The following NKAIN3 variants were observed in gnomAD, a reference collection of about 807,000 sequenced individuals.
NKAIN3 encodes the protein sodium/potassium-transporting ATPase subunit beta-1-interacting protein 3.
A neutral mutation model predicts 30.2 loss-of-function variants in NKAIN3; 25 were observed. That is an observed-to-expected ratio of 0.83 (90% CI 0.60 to 1.16). The LOEUF is 1.16. Among genes scored for constraint, NKAIN3 ranks in the 50% most tolerant of loss-of-function variants. The probability of loss-of-function intolerance (pLI) is 0.00; values close to 1 mark genes in which losing one functional copy is unlikely to be tolerated. For missense variants in NKAIN3, 225 were observed against 254.1 expected, an observed-to-expected ratio of 0.89 and a Z score of 0.78; for synonymous variants, 91 against 89.6, an observed-to-expected ratio of 1.02 and a Z score of -0.09.
chr8:62,743,673 A>G (rs1273233578), intron 3 of NKAIN3, among the ~76,000 whole-genome samples: 2 of 152,200 alleles, frequency 1.3e-5, no homozygotes, highest in African/African-American at 4.8e-5. Flanking sequence ...GCTTGAGTCC[A>G]GGAGTTCAAG....
intron 1 of NKAIN3, among the ~76,000 whole-genome samples, chr8:62,463,973 T>C (rs1043528379): frequency 6.6e-6 from 1 of 150,916 alleles, no homozygotes; most frequent in African/African-American, 2.4e-5. Context: ...GGGGGAATAC[T>C]GTACCACAGA....
At chr8:62,313,245 T>G (rs1814505985) in intron 1 of NKAIN3, among the ~76,000 whole-genome samples, 1 of 152,192 alleles carries the variant, frequency 6.6e-6, no homozygotes, top group Non-Finnish European at 1.5e-5. Context: ...CCTCTCACCC[T>G]GTTTTTGATC....
At chr8:62,323,947 T>G (rs1032168789) in intron 1 of NKAIN3, among the ~76,000 whole-genome samples, 2 of 152,042 alleles carry the variant, frequency 1.3e-5, no homozygotes, top group Non-Finnish European at 2.9e-5. Flanking sequence ...TAAGGGATTT[T>G]GGGGTACAGA....
chr8:62,795,033 A>T (rs1397764436), intron 4 of NKAIN3, among the ~76,000 whole-genome samples: 1 of 152,162 alleles, frequency 6.6e-6, no homozygotes, highest in African/African-American at 2.4e-5. Context: ...ACTTAAGCTC[A>T]GCATATCAAA....
At chr8:62,678,043 T>C (rs1341271849) in intron 3 of NKAIN3, among the ~76,000 whole-genome samples, 2 of 152,190 alleles carry the variant, frequency 1.3e-5, no homozygotes, top group Non-Finnish European at 2.9e-5. Flanking sequence ...CTGAAGTGTC[T>C]ACCCTAGACT....
chr8:62,863,128 G>A (rs758314472), intron 4 of NKAIN3: 4 of 1,439,822 alleles, frequency 2.8e-6, no homozygotes, highest in Non-Finnish European at 3.9e-6. Flanking sequence ...GGAAGGTGCA[G>A]CTGAGGTGAT....
chr8:62,825,657 C>G (rs532618253), intron 4 of NKAIN3, among the ~76,000 whole-genome samples: 6 of 152,294 alleles, frequency 3.9e-5, no homozygotes, highest in African/African-American at 1.4e-4. Flanking sequence ...TTCAAATATT[C>G]CTGAGTCCCA....
intron 4 of NKAIN3, among the ~76,000 whole-genome samples, chr8:62,906,512 G>T (rs1253035910): frequency 1.3e-5 from 2 of 152,126 alleles, no homozygotes; most frequent in Non-Finnish European, 2.9e-5. Flanking sequence ...GTGTGATATG[G>T]TTTGGCTGTG....
In NKAIN3 at chr8:62,788,987, T is replaced by A. The variant is rs377179996; in HGVS notation, c.471+41858T>A. Among the ~76,000 whole-genome samples the A allele has an allele frequency of 2.8e-4, 42 of 152,280 alleles. No individual in the cohort carries two copies. The East Asian group carries it at 7.7e-3, about 28-fold the overall frequency. ...AGCATGATGCCTCCAGCTTTGTTCTTTTGGCTTAGGATTGACTTGGCAATG... is the reference window on the plus strand; with the variant it reads ...AGCATGATGCCTCCAGCTTTGTTCTATTGGCTTAGGATTGACTTGGCAATG... On this transcript the variant is annotated intron_variant, in intron 4 of 6. Transcript: ENST00000623646.
chr8:62,632,223 C>T (rs1186897039), intron 3 of NKAIN3, among the ~76,000 whole-genome samples: 1 of 152,098 alleles, frequency 6.6e-6, no homozygotes, highest in East Asian at 1.9e-4. Flanking sequence ...CCACATCTAT[C>T]TCCATATTTC....
chr8:62,631,411 T>C (rs1016949026), intron 3 of NKAIN3, among the ~76,000 whole-genome samples: 2 of 152,130 alleles, frequency 1.3e-5, no homozygotes, highest in African/African-American at 4.8e-5. Context: ...GAAAAATCTT[T>C]CCATACCCTC....
rs569733613 is a variant in NKAIN3, at chr8:62,694,053, A to G, written c.274-52879A>G. ...TCAAATCAGGGTAATTGGAATATCC[A>G]TTACTTCACATATTTGCTTTTCTTT... On this transcript the variant is annotated intron_variant, in intron 3 of 6. Transcript: ENST00000623646. Among the ~76,000 whole-genome samples, 6 of 152,320 alleles carry G rather than the reference A, an allele frequency of 3.9e-5. No homozygotes were observed. The East Asian group carries it at 1.2e-3, about 29-fold the overall frequency.
At chr8:62,786,353 T>C (rs1250579926) in intron 4 of NKAIN3, among the ~76,000 whole-genome samples, 1 of 152,136 alleles carries the variant, frequency 6.6e-6, no homozygotes, top group African/African-American at 2.4e-5. Flanking sequence ...TAAGTGTCTT[T>C]CATTTTTATA....
intron 3 of NKAIN3, among the ~76,000 whole-genome samples, chr8:62,722,967 C>A (rs1226382727): frequency 6.6e-6 from 1 of 152,130 alleles, no homozygotes; most frequent in Non-Finnish European, 1.5e-5. Context: ...CAAATAAGAA[C>A]CTGCCAGAGA....
intron 1 of NKAIN3, among the ~76,000 whole-genome samples, chr8:62,359,745 T>C (rs1018851047): frequency 6.6e-6 from 1 of 152,210 alleles, no homozygotes; most frequent in Non-Finnish European, 1.5e-5. Context: ...ACAACACATG[T>C]AGTTTATGGT....
chr8:62,577,536 CT>C (rs35130487), intron 1 of NKAIN3, among the ~76,000 whole-genome samples: 44,736 of 111,088 alleles, frequency 0.4, 8,281 homozygotes, highest in Non-Finnish European at 0.48. Flanking sequence ...TCAGGGTTTC[CT>C]TTTTTTTTTT....
chr8:62,860,251 G>A (rs1484375423), intron 4 of NKAIN3, among the ~76,000 whole-genome samples: 10 of 152,272 alleles, frequency 6.6e-5, no homozygotes, highest in African/African-American at 1.7e-4. Flanking sequence ...AGCAGATGCC[G>A]TAAGGAATAA....
At chr8:62,812,304 A>G (rs1243309733) in intron 4 of NKAIN3, among the ~76,000 whole-genome samples, 1 of 151,858 alleles carries the variant, frequency 6.6e-6, no homozygotes, top group Non-Finnish European at 1.5e-5. Flanking sequence ...ATTGTTTTAC[A>G]TATTTTAGGG....
At chr8:62,262,183 G>A (rs898953344) in intron 1 of NKAIN3, among the ~76,000 whole-genome samples, 4 of 152,016 alleles carry the variant, frequency 2.6e-5, no homozygotes, top group African/African-American at 7.2e-5. Context: ...TCTGGGACAC[G>A]GCTTTTTCTT....
Sources: gnomAD v4.1 joint callset for allele counts (sites outside exome capture counted in the v4.1 genomes callset) on GRCh38, gnomAD v4.1.1 for gene constraint, MANE v1.5 for transcripts, NCBI Gene and HGNC (gene_info 2026-07-23, HGNC 2026-07-21) for gene names.